Variants in PPP2R3A observed in about 807,000 individuals in gnomAD.
The protein encoded by PPP2R3A is protein phosphatase 2 regulatory subunit B''alpha.
PPP2R3A carries 80 observed loss-of-function variants against 106.9 expected under a neutral mutation model. The ratio of observed to expected loss-of-function variants is 0.75; its 90% CI spans 0.62 to 0.90. The LOEUF (loss-of-function observed/expected upper bound fraction) is 0.90. PPP2R3A is among the 40% of genes least tolerant of loss of function. The pLI is 0.00. For synonymous variants in PPP2R3A, 483 were observed against 468.3 expected (o/e 1.03, Z -0.41); for missense variants, 1,386 against 1,350.4 (o/e 1.03, Z -0.41).
chr3:136,096,436 A>G (rs1420222350), intron 10 of PPP2R3A, among the ~76,000 whole-genome samples: 1 of 152,216 alleles, frequency 6.6e-6, no homozygotes, highest in Non-Finnish European at 1.5e-5. Flanking sequence ...TAACAGAGGT[A>G]GATATGGGAA....
intron 1 of PPP2R3A, among the ~76,000 whole-genome samples, chr3:135,989,248 A>G (rs1933058089): frequency 6.6e-6 from 1 of 152,162 alleles, no homozygotes; most frequent in Non-Finnish European, 1.5e-5. Context: ...GACCCAGAGG[A>G]CACATGAAGT....
intron 1 of PPP2R3A, among the ~76,000 whole-genome samples, chr3:135,987,668 C>G (rs1932975757): frequency 6.6e-6 from 1 of 152,020 alleles, no homozygotes; most frequent in African/African-American, 2.4e-5. Context: ...AATTGACTCA[C>G]AGTAATTCTT....
chr3:136,123,509 G>C (rs1938075263), intron 13 of PPP2R3A, among the ~76,000 whole-genome samples: 2 of 151,984 alleles, frequency 1.3e-5, no homozygotes, highest in Admixed American at 6.6e-5. Context: ...CCAAAAAAGT[G>C]ACAAAATTCT....
chr3:136,016,216 A>C (rs1934262509), intron 2 of PPP2R3A, among the ~76,000 whole-genome samples: 1 of 152,108 alleles, frequency 6.6e-6, no homozygotes, highest in Non-Finnish European at 1.5e-5. Context: ...TAAGTTACTG[A>C]GACTTGTTTT....
intron 1 of PPP2R3A, among the ~76,000 whole-genome samples, chr3:135,988,345 A>C (rs967966399): frequency 1.3e-5 from 2 of 151,430 alleles, no homozygotes; most frequent in African/African-American, 4.9e-5. Context: ...CATTGGCTCT[A>C]CTTTCAAAAT....
intron 2 of PPP2R3A, among the ~76,000 whole-genome samples, chr3:136,012,430 G>A (rs2107803253): frequency 6.6e-6 from 1 of 152,274 alleles, no homozygotes; most frequent in South Asian, 2.1e-4. Context: ...TAATTTGGAG[G>A]CAATTGGAGC....
chr3:135,968,123 A>G lies in PPP2R3A; in HGVS notation c.-441+2274A>G, dbSNP rs76479875. Among the ~76,000 whole-genome samples, 1,050 of 152,320 alleles carry G rather than the reference A, an allele frequency of 6.9e-3. 9 individuals are homozygous for G. Among genetic ancestry groups the G allele is most frequent in the African/African-American group, 0.023 (945 of 41,572 alleles). Reference sequence around the variant, plus strand: ...TACTATACTAAGCTTGAGGGCGGGAACAGTTATTTATTTAACAGATTTCTG... The same window carrying G: ...TACTATACTAAGCTTGAGGGCGGGAGCAGTTATTTATTTAACAGATTTCTG... On this transcript the variant is annotated intron_variant, in intron 1 of 13. Transcript: ENST00000264977.
intron 2 of PPP2R3A, among the ~76,000 whole-genome samples, chr3:136,012,668 C>T (rs985451830): frequency 2.0e-5 from 3 of 152,050 alleles, no homozygotes; most frequent in African/African-American, 7.3e-5. Context: ...CAAGTTAGAG[C>T]AGAAAGGTTA....
intron 2 of PPP2R3A, chr3:136,023,147 T>C (rs200618138): frequency 9.3e-6 from 15 of 1,613,562 alleles, no homozygotes; most frequent in Non-Finnish European, 1.3e-5. Flanking sequence ...GGGGCTGTGA[T>C]TTTGTTCTCC....
chr3:135,994,644 C>G (rs1455001414), intron 1 of PPP2R3A, among the ~76,000 whole-genome samples: 1 of 152,116 alleles, frequency 6.6e-6, no homozygotes, highest in Non-Finnish European at 1.5e-5. Flanking sequence ...ACAGGTGTCT[C>G]CTAGGTTTTT....
In PPP2R3A at chr3:136,002,193, G is replaced by A. The variant is rs1223181199; in HGVS notation, c.695G>A (p.Cys232Tyr). 1.2e-6 allele frequency: 2 copies of A among 1,612,812 alleles called. No individual in the cohort carries two copies. Among genetic ancestry groups the A allele is most frequent in the Admixed American group, 1.7e-5 (1 of 59,932 alleles). The change falls in exon 2 of 14, where the codon TGC becomes TAC. Residue 232 changes from cysteine to tyrosine, a missense_variant. Physicochemically the swap from Cys to Tyr is radical, Grantham distance 194. Coordinates refer to ENST00000264977, the MANE Select transcript of PPP2R3A (RefSeq NM_002718.5). ...TCTTCTGGGACAGACATAAAGATGT[G>A]CTTGGACATCTTATTGAAATGCTCC... ...NFSSGTDIKM[C>Y]LDILLKCSED...
At chr3:135,989,620 T>C (rs144503414) in intron 1 of PPP2R3A, among the ~76,000 whole-genome samples, 20 of 152,276 alleles carry the variant, frequency 1.3e-4, no homozygotes, top group African/African-American at 4.8e-4. Flanking sequence ...TCTTACCTTC[T>C]TTCTGCCTTT....
At chr3:136,010,040 A>G (rs891710589) in intron 2 of PPP2R3A, among the ~76,000 whole-genome samples, 11 of 152,064 alleles carry the variant, frequency 7.2e-5, no homozygotes, top group African/African-American at 2.7e-4. Flanking sequence ...TCCACTCTGC[A>G]GGTGCCTTTT....
At chr3:136,084,165 T>C (rs1936861876) in intron 8 of PPP2R3A, among the ~76,000 whole-genome samples, 1 of 152,134 alleles carries the variant, frequency 6.6e-6, no homozygotes, top group Admixed American at 6.5e-5. Context: ...CCTGGAGGCC[T>C]AGGAGGGAAA....
At chr3:136,063,335 G>A (rs1936146170) in intron 5 of PPP2R3A, among the ~76,000 whole-genome samples, 1 of 152,106 alleles carries the variant, frequency 6.6e-6, no homozygotes, top group Non-Finnish European at 1.5e-5. Flanking sequence ...GAAAACCTAG[G>A]CAATACCATT....
intron 5 of PPP2R3A, among the ~76,000 whole-genome samples, chr3:136,061,690 G>A (rs112725941): frequency 0.012 from 1,861 of 152,052 alleles, 32 homozygotes; most frequent in African/African-American, 0.042. Context: ...GGAGGCTGAG[G>A]CAGGTGGCTC....
intron 1 of PPP2R3A, among the ~76,000 whole-genome samples, chr3:135,983,922 T>A (rs753514745): frequency 3.9e-5 from 6 of 152,236 alleles, no homozygotes; most frequent in Non-Finnish European, 8.8e-5. Context: ...GAGTCACCTG[T>A]AAATTTTACT....
chr3:136,052,368 C>T (rs965333111), intron 5 of PPP2R3A, among the ~76,000 whole-genome samples: 4 of 152,148 alleles, frequency 2.6e-5, no homozygotes, highest in African/African-American at 9.7e-5. Flanking sequence ...AACTATGTCT[C>T]TCTACAATAC....
chr3:136,117,150 C>T (rs1284557105), intron 13 of PPP2R3A, among the ~76,000 whole-genome samples: 3 of 152,040 alleles, frequency 2.0e-5, no homozygotes, highest in Non-Finnish European at 4.4e-5. Context: ...GGGTAAATAA[C>T]GAAATGAAGG....
Sources: allele counts gnomAD v4.1 joint callset (sites outside exome capture counted in the v4.1 genomes callset), GRCh38; gene constraint gnomAD v4.1.1; transcripts MANE v1.5; gene names NCBI Gene and HGNC (gene_info 2026-07-23, HGNC 2026-07-21).